The following RBFOX1 variants were observed in gnomAD, a reference collection of about 807,000 sequenced individuals.
The protein encoded by RBFOX1 is RNA binding protein fox-1 homolog 1.
In RBFOX1, 8 loss-of-function variants were observed where a neutral mutation model predicts 57.7. The observed-to-expected ratio is 0.14, with a 90% CI of 0.08 to 0.25. The LOEUF (loss-of-function observed/expected upper bound fraction) is 0.25. Ranked by LOEUF, RBFOX1 falls within the 10% of genes least tolerant of loss-of-function variation. The pLI is 1.00. For missense variants in RBFOX1, 611 were observed against 548.5 expected (o/e 1.11, Z -1.14); for synonymous variants, 326 against 222.4 (o/e 1.47, Z -4.15).
intron 4 of RBFOX1, among the ~76,000 whole-genome samples, chr16:7,458,177 A>G (rs1005039763): frequency 2.2e-4 from 33 of 152,200 alleles, no homozygotes; most frequent in African/African-American, 7.7e-4. Context: ...CTATACTGCC[A>G]GAGCCATATG....
chr16:6,286,351 C>T (rs931162754), intron 1 of RBFOX1, among the ~76,000 whole-genome samples: 5 of 146,232 alleles, frequency 3.4e-5, no homozygotes, highest in African/African-American at 1.4e-4. Context: ...AATCTTGACT[C>T]AGATGTGTGA....
intron 2 of RBFOX1, among the ~76,000 whole-genome samples, chr16:5,524,835 C>T (rs1238276148): frequency 6.6e-6 from 1 of 152,098 alleles, no homozygotes; most frequent in Non-Finnish European, 1.5e-5. Context: ...GACACCGCAC[C>T]CGGCCCCTAT....
chr16:6,228,863 C>T (rs1598577214), intron 1 of RBFOX1, among the ~76,000 whole-genome samples: 1 of 152,002 alleles, frequency 6.6e-6, no homozygotes. Context: ...TTAGCCATTC[C>T]ACATGTATAC....
chr16:6,672,609 T>G (rs572039978), intron 3 of RBFOX1, among the ~76,000 whole-genome samples: 4 of 152,188 alleles, frequency 2.6e-5, no homozygotes, highest in Non-Finnish European at 5.9e-5. Flanking sequence ...AACAAGCATA[T>G]AAGACTACTG....
At chr16:7,006,238 T>C (rs1289291284) in intron 3 of RBFOX1, among the ~76,000 whole-genome samples, 1 of 152,162 alleles carries the variant, frequency 6.6e-6, no homozygotes, top group Non-Finnish European at 1.5e-5. Flanking sequence ...CACTGCATCC[T>C]CTGCCTCCGA....
intron 4 of RBFOX1, among the ~76,000 whole-genome samples, chr16:7,267,977 G>T (rs920930054): frequency 1.3e-5 from 2 of 152,204 alleles, no homozygotes; most frequent in Non-Finnish European, 2.9e-5. Context: ...AGGCAATCTT[G>T]TCATTGTGCA....
At chr16:5,829,861 C>T (rs931273366) in intron 3 of RBFOX1, among the ~76,000 whole-genome samples, 9 of 152,016 alleles carry the variant, frequency 5.9e-5, no homozygotes, top group Non-Finnish European at 1.2e-4. Context: ...AGAAGGGAAA[C>T]AAAAACAGGG....
At chr16:6,513,807 T>C (rs1317905618) in intron 2 of RBFOX1, among the ~76,000 whole-genome samples, 2 of 152,050 alleles carry the variant, frequency 1.3e-5, no homozygotes, top group Non-Finnish European at 2.9e-5. Flanking sequence ...CTGTGGCCAC[T>C]GCAGAGCCAA....
intron 1 of RBFOX1, among the ~76,000 whole-genome samples, chr16:6,110,227 T>TTTTTTTTTTTTTTTTTTTTTC (rs2096430216): frequency 7.0e-6 from 1 of 143,850 alleles, no homozygotes. Context: ...ATTATTCTTT[T>TTTTTTTTTTTTTTTTTTTTTC]AGCTCTCTGG....
At chr16:7,328,648 G>A (rs1299915068) in intron 4 of RBFOX1, 7 of 149,010 alleles carry the variant, frequency 4.7e-5, no homozygotes, top group Admixed American at 4.0e-4. Flanking sequence ...TTTTTTTTAG[G>A]TGGAGGGATG....
intron 4 of RBFOX1, among the ~76,000 whole-genome samples, chr16:7,306,404 C>A (rs2096187032): frequency 6.6e-6 from 1 of 152,130 alleles, no homozygotes; most frequent in Admixed American, 6.5e-5. Flanking sequence ...CATTGGCAGC[C>A]ACAACAAATA....
At chr16:7,531,447 C>T (rs1363395766) in intron 5 of RBFOX1, among the ~76,000 whole-genome samples, 2 of 152,230 alleles carry the variant, frequency 1.3e-5, no homozygotes, top group South Asian at 2.1e-4. Flanking sequence ...ATAATTAACC[C>T]CTTATGGCCT....
At chr16:6,767,069 C>G (rs376309420) in intron 3 of RBFOX1, among the ~76,000 whole-genome samples, 1 of 152,084 alleles carries the variant, frequency 6.6e-6, no homozygotes, top group Non-Finnish European at 1.5e-5. Flanking sequence ...TATTCAGTAT[C>G]CATTTCCTCA....
intron 1 of RBFOX1, among the ~76,000 whole-genome samples, chr16:5,241,780 T>A (rs2062173406): frequency 6.6e-6 from 1 of 152,138 alleles, no homozygotes; most frequent in South Asian, 2.1e-4. Flanking sequence ...TTTGCAGTGA[T>A]GTTTTGTTCT....
chr16:7,621,212 T>G (rs1466972046), intron 10 of RBFOX1, among the ~76,000 whole-genome samples: 1 of 152,220 alleles, frequency 6.6e-6, no homozygotes, highest in African/African-American at 2.4e-5. Context: ...ATTGTTTTTG[T>G]TGTGGCTGAA....
chr16:7,478,348 A>C (rs2063167116), intron 4 of RBFOX1, among the ~76,000 whole-genome samples: 2 of 152,246 alleles, frequency 1.3e-5, no homozygotes, highest in African/African-American at 4.8e-5. Context: ...ACTTTACTCC[A>C]GGTGGCCCAA....
chr16:5,890,853 G>A (rs891722573), intron 4 of RBFOX1, among the ~76,000 whole-genome samples: 2 of 152,092 alleles, frequency 1.3e-5, no homozygotes, highest in South Asian at 2.1e-4. Flanking sequence ...ATTGTGTCTG[G>A]CTTGAATTCA....
At position 6,966,753 on chromosome 16, in the gene RBFOX1, G is replaced by A. The variant is rs113331888; in HGVS notation, c.-15-85304G>A. ...ACTGTAACTCTGCCTGCCTCTATCTGTCTGTCTGTCTATCTATCTATCTAT... is the reference window on the plus strand; with the variant it reads ...ACTGTAACTCTGCCTGCCTCTATCTATCTGTCTGTCTATCTATCTATCTAT... On this transcript the variant is annotated intron_variant, in intron 3 of 15. Coordinates refer to ENST00000550418, the MANE Select transcript of RBFOX1 (RefSeq NM_018723.4). Among the ~76,000 whole-genome samples the A allele has an allele frequency of 1.2e-4, 12 of 103,920 alleles. No individual in the cohort carries two copies. In the East Asian group the frequency reaches 2.9e-3, roughly 25 times the overall value. 68.2% of individuals were successfully genotyped at this position (103,920 alleles called of 152,430 possible).
chr16:6,905,567 G>A (rs1398561479), intron 3 of RBFOX1, among the ~76,000 whole-genome samples: 2 of 137,716 alleles, frequency 1.5e-5, no homozygotes, highest in East Asian at 2.1e-4. Flanking sequence ...AAAAAAAAAA[G>A]TGTAGATGTT....
Sources: allele counts gnomAD v4.1 joint callset (sites outside exome capture counted in the v4.1 genomes callset), GRCh38; gene constraint gnomAD v4.1.1; transcripts MANE v1.5; gene names NCBI Gene and HGNC (gene_info 2026-07-23, HGNC 2026-07-21).